Variants in SPHKAP observed in about 807,000 individuals in gnomAD.
The protein encoded by SPHKAP is A-kinase anchor protein SPHKAP.
In SPHKAP, 67 loss-of-function variants were observed where a neutral mutation model predicts 137.5. That is an observed-to-expected ratio of 0.49 (90% CI 0.40 to 0.60). SPHKAP has a LOEUF of 0.60. Among genes scored for constraint, SPHKAP ranks in the 20% least tolerant of loss-of-function variants. The probability of loss-of-function intolerance (pLI) is 0.00; values close to 1 mark genes in which losing one functional copy is unlikely to be tolerated. For missense variants in SPHKAP, 2,097 were observed against 2,069.3 expected (o/e 1.01, Z -0.26); for synonymous variants, 813 against 785.3 (o/e 1.04, Z -0.59).
chr2:228,135,274 C>CAAAAAAAAAAAAAAAAAAAAAAAAAAAAA (rs11435994), intron 1 of SPHKAP, among the ~76,000 whole-genome samples: 1 of 95,440 alleles, frequency 1.0e-5, no homozygotes, highest in Non-Finnish European at 2.0e-5. Flanking sequence ...AACTCTGTCT[C>CAAAAAAAAAAAAAAAAAAAAAAAAAAAAA]AAAAAAAAAA....
chr2:228,175,294 T>G (rs1488319291), intron 1 of SPHKAP, among the ~76,000 whole-genome samples: 1 of 106,748 alleles, frequency 9.4e-6, no homozygotes, highest in African/African-American at 3.2e-5. Flanking sequence ...TAAATGAAGG[T>G]TTTTTTTCAT....
In SPHKAP at chr2:228,021,871, C is replaced by A; in HGVS notation, c.537G>T (p.Leu179=). ...GCTCCTGCACCAGTTCCAGACCAAT[C>A]AGAAATTTGTTGATTTCAAAGATGA... ...NCIIFEINKF[L]IGLELVQERQ... The change falls in exon 6 of 12, where the codon CTG becomes CTT. Residue 179 remains leucine, a synonymous_variant. Transcript: ENST00000392056. The A allele has an allele frequency of 6.2e-7, 1 of 1,614,154 alleles. No homozygotes were observed. The highest frequency in any genetic ancestry group is 8.5e-7 in the Non-Finnish European group (1 of 1,179,998).
chr2:228,014,400 C>T (rs911965560), intron 7 of SPHKAP, among the ~76,000 whole-genome samples: 1 of 152,090 alleles, frequency 6.6e-6, no homozygotes, highest in African/African-American at 2.4e-5. Flanking sequence ...ATTCTCCAAA[C>T]GACCTAGATA....
chr2:228,019,982 G>A lies in SPHKAP; in HGVS notation c.872C>T (p.Thr291Ile). Residue 291 changes from threonine to isoleucine, a missense_variant, in exon 7 of 12, where the codon ACA becomes ATA. Coordinates refer to ENST00000392056, the MANE Select transcript of SPHKAP (RefSeq NM_001142644.2). ...IKTERSPENLTKNTALQSLDP... is the reference protein window; with the variant it reads ...IKTERSPENLIKNTALQSLDP... ...TAGACTCTGCAAGGCTGTGTTCTTT[G>A]TTAGGTTTTCTGGAGATCGTTCTGT... 1 of 1,614,186 alleles carries A rather than the reference G, an allele frequency of 6.2e-7. No homozygotes were observed. The highest frequency in any genetic ancestry group is 8.5e-7 in the Non-Finnish European group (1 of 1,180,026).
At chr2:228,110,488 C>T (rs183905629) in intron 2 of SPHKAP, among the ~76,000 whole-genome samples, 12 of 152,270 alleles carry the variant, frequency 7.9e-5, no homozygotes, top group Admixed American at 7.2e-4. Context: ...TGCAGACTGA[C>T]GTTGGCTAGG....
chr2:228,116,917 T>A (rs977060256), intron 2 of SPHKAP, among the ~76,000 whole-genome samples: 2 of 152,176 alleles, frequency 1.3e-5, no homozygotes, highest in African/African-American at 4.8e-5. Flanking sequence ...ATAGCCTTTA[T>A]GATGCACACA....
At chr2:227,988,585 A>T (rs1693298991) in intron 11 of SPHKAP, among the ~76,000 whole-genome samples, 1 of 152,246 alleles carries the variant, frequency 6.6e-6, no homozygotes, top group African/African-American at 2.4e-5. Flanking sequence ...CTTCAAGAAG[A>T]TACATTGTAC....
chr2:228,131,842 C>G (rs1699262677), intron 2 of SPHKAP, 138 bp downstream of exon 2: 8 of 1,414,564 alleles, frequency 5.7e-6, no homozygotes, highest in Non-Finnish European at 7.5e-6. Context: ...TCAAGGCTTA[C>G]TTGGGAAAGC....
intron 3 of SPHKAP, among the ~76,000 whole-genome samples, chr2:228,106,574 A>G (rs1698350579): frequency 1.3e-5 from 2 of 152,310 alleles, no homozygotes; most frequent in East Asian, 1.9e-4. Context: ...TCTTTAAATT[A>G]TACTTTCATT....
At position 228,019,357 on chromosome 2, in the gene SPHKAP, C is replaced by A. The variant is rs114167041; in HGVS notation, c.1497G>T (p.Ala499=). The change falls in exon 7 of 12, where the codon GCG becomes GCT. Residue 499 remains alanine (A), a synonymous_variant. Coordinates refer to ENST00000392056, the MANE Select transcript of SPHKAP (RefSeq NM_001142644.2). ...SRQPQSALEV[A]LACAATVIGT... Reference sequence around the variant, plus strand: ...CAATCACAGTGGCTGCACAAGCTAACGCCACTTCTAGAGCACTCTGGGGTT... The same window carrying A: ...CAATCACAGTGGCTGCACAAGCTAAAGCCACTTCTAGAGCACTCTGGGGTT... The A allele has an allele frequency of 6.2e-7, 1 of 1,614,138 alleles. No individual in the cohort carries two copies. The highest frequency in any genetic ancestry group is 1.3e-5 in the African/African-American group (1 of 75,040).
At chr2:228,077,809 C>G (rs1238399129) in intron 3 of SPHKAP, among the ~76,000 whole-genome samples, 2 of 152,078 alleles carry the variant, frequency 1.3e-5, no homozygotes, top group African/African-American at 4.8e-5. Flanking sequence ...TTAGGAAGAA[C>G]CAGGAGCAGA....
chr2:228,000,876 A>C (rs1693829959), intron 7 of SPHKAP, among the ~76,000 whole-genome samples: 1 of 152,190 alleles, frequency 6.6e-6, no homozygotes, highest in Non-Finnish European at 1.5e-5. Context: ...TATGGGCATA[A>C]GTTTTCAACG....
intron 7 of SPHKAP, among the ~76,000 whole-genome samples, chr2:228,012,810 T>A (rs1694440293): frequency 6.6e-6 from 1 of 152,254 alleles, no homozygotes; most frequent in Admixed American, 6.5e-5. Context: ...AAGTATAGCA[T>A]GTGAATGCTC....
At chr2:227,989,778 G>GTT (rs33974192) in intron 11 of SPHKAP, among the ~76,000 whole-genome samples, 3 of 141,036 alleles carry the variant, frequency 2.1e-5, no homozygotes, top group South Asian at 2.4e-4. Context: ...GCTAATTTTT[G>GTT]TTTTTTTTTT....
intron 7 of SPHKAP, among the ~76,000 whole-genome samples, chr2:228,006,549 C>T (rs1463224262): frequency 6.6e-6 from 1 of 152,210 alleles, no homozygotes; most frequent in Non-Finnish European, 1.5e-5. Context: ...TCGTCAAAGT[C>T]ATTCTCCGTC....
intron 3 of SPHKAP, among the ~76,000 whole-genome samples, chr2:228,092,284 C>A (rs372847833): frequency 8.9e-6 from 1 of 112,082 alleles, no homozygotes; most frequent in African/African-American, 3.4e-5. Flanking sequence ...CGTGTATGTG[C>A]GTGTATACGT....
intron 3 of SPHKAP, among the ~76,000 whole-genome samples, chr2:228,092,462 ATGTGC>A (rs1697816953): frequency 2.0e-5 from 1 of 49,184 alleles, no homozygotes; most frequent in Non-Finnish European, 4.1e-5. Flanking sequence ...GTATACATAT[ATGTGC>A]CATATATATG....
chr2:228,111,661 T>C (rs1160813789), intron 2 of SPHKAP, among the ~76,000 whole-genome samples: 4 of 152,200 alleles, frequency 2.6e-5, no homozygotes, highest in African/African-American at 9.6e-5. Flanking sequence ...TTTTACTTTT[T>C]CATTTAATCT....
At chr2:228,121,033 A>G (rs1049566236) in intron 2 of SPHKAP, among the ~76,000 whole-genome samples, 1 of 152,246 alleles carries the variant, frequency 6.6e-6, no homozygotes, top group South Asian at 2.1e-4. Flanking sequence ...AAATATAAGA[A>G]GAAACACACA....
Sources: allele counts gnomAD v4.1 joint callset (sites outside exome capture counted in the v4.1 genomes callset), GRCh38; gene constraint gnomAD v4.1.1; transcripts MANE v1.5; gene names NCBI Gene and HGNC (gene_info 2026-07-23, HGNC 2026-07-21).